Variants in RBFOX1 observed in about 807,000 individuals in gnomAD.
RBFOX1 encodes the protein RNA binding protein fox-1 homolog 1.
In RBFOX1, 8 loss-of-function variants were observed where a neutral mutation model predicts 57.7. The ratio of observed to expected loss-of-function variants is 0.14; its 90% CI spans 0.08 to 0.25. RBFOX1 has a LOEUF of 0.25. Ranked by LOEUF, RBFOX1 falls within the 10% of genes least tolerant of loss-of-function variation. The probability of loss-of-function intolerance (pLI) is 1.00; values close to 1 mark genes in which losing one functional copy is unlikely to be tolerated. For missense variants in RBFOX1, 611 were observed against 548.5 expected, an observed-to-expected ratio of 1.11 and a Z score of -1.14; for synonymous variants, 326 against 222.4, an observed-to-expected ratio of 1.47 and a Z score of -4.15.
chr16:5,488,041 G>C (rs2042692516), intron 2 of RBFOX1, among the ~76,000 whole-genome samples: 1 of 152,068 alleles, frequency 6.6e-6, no homozygotes, highest in African/African-American at 2.4e-5. Flanking sequence ...TGCTGGTGGT[G>C]ATGATGATGG....
intron 4 of RBFOX1, among the ~76,000 whole-genome samples, chr16:7,098,140 G>A (rs1398553482): frequency 6.6e-6 from 1 of 151,990 alleles, no homozygotes; most frequent in Non-Finnish European, 1.5e-5. Flanking sequence ...GAAGATGGAG[G>A]GTAATATGGA....
intron 3 of RBFOX1, among the ~76,000 whole-genome samples, chr16:5,759,784 C>G (rs1042011807): frequency 7.5e-6 from 1 of 132,996 alleles, no homozygotes; most frequent in Admixed American, 8.2e-5. Flanking sequence ...AACAGTATTC[C>G]TCTCTGGGAT....
At chr16:7,255,842 C>G (rs139607627) in intron 4 of RBFOX1, among the ~76,000 whole-genome samples, 215 of 152,220 alleles carry the variant, frequency 1.4e-3, no homozygotes, top group African/African-American at 4.9e-3. Flanking sequence ...GACAGCACGT[C>G]TCATTTCAGA....
intron 1 of RBFOX1, among the ~76,000 whole-genome samples, chr16:6,182,268 T>C (rs1007519444): frequency 6.6e-5 from 10 of 152,200 alleles, no homozygotes; most frequent in Non-Finnish European, 1.0e-4. Flanking sequence ...ATTTATTGGC[T>C]TCTAATTTAG....
At chr16:6,790,996 C>G (rs1305297974) in intron 3 of RBFOX1, among the ~76,000 whole-genome samples, 5 of 151,824 alleles carry the variant, frequency 3.3e-5, no homozygotes, top group Non-Finnish European at 7.4e-5. Context: ...TCTTCTGGCT[C>G]TCAGGTTCAG....
intron 4 of RBFOX1, among the ~76,000 whole-genome samples, chr16:7,342,743 T>C (rs2096922236): frequency 6.6e-6 from 1 of 152,076 alleles, no homozygotes; most frequent in Admixed American, 6.6e-5. Context: ...CTCATGGCTC[T>C]GGGTGGTGTG....
chr16:6,185,997 T>G (rs564153416), intron 1 of RBFOX1, among the ~76,000 whole-genome samples: 1 of 152,344 alleles, frequency 6.6e-6, no homozygotes, highest in South Asian at 2.1e-4. Context: ...AATCTTGTAC[T>G]GCTGTGGCAT....
chr16:7,156,375 G>T (rs573236091), intron 4 of RBFOX1, among the ~76,000 whole-genome samples: 9 of 151,162 alleles, frequency 6.0e-5, no homozygotes, highest in Non-Finnish European at 7.4e-5. Context: ...ATACATATGC[G>T]TGTACATATA....
intron 4 of RBFOX1, among the ~76,000 whole-genome samples, chr16:7,167,734 T>C (rs1382874449): frequency 6.6e-6 from 1 of 152,238 alleles, no homozygotes; most frequent in Non-Finnish European, 1.5e-5. Flanking sequence ...GTAGATTTTA[T>C]TGACAGAAAC....
At chr16:6,320,433 G>A (rs1392002725) in intron 2 of RBFOX1, among the ~76,000 whole-genome samples, 3 of 151,736 alleles carry the variant, frequency 2.0e-5, no homozygotes, top group Admixed American at 1.3e-4. Context: ...CTCAAAAATC[G>A]CCACTAAAGA....
At chr16:5,991,464 C>T (rs532635133) in intron 4 of RBFOX1, among the ~76,000 whole-genome samples, 2 of 152,014 alleles carry the variant, frequency 1.3e-5, no homozygotes, top group Non-Finnish European at 2.9e-5. Context: ...CAATTAGCCT[C>T]TAGTTTGTTT....
At chr16:7,063,506 A>T (rs573908112) in intron 4 of RBFOX1, among the ~76,000 whole-genome samples, 3 of 152,340 alleles carry the variant, frequency 2.0e-5, no homozygotes, top group African/African-American at 7.2e-5. Flanking sequence ...CTACTGGATC[A>T]GATTCTGGAG....
At position 6,612,803 on chromosome 16, in the gene RBFOX1, G is replaced by C. The variant is rs1426837038; in HGVS notation, c.-63-41800G>C. Among the ~76,000 whole-genome samples the C allele has an allele frequency of 2.7e-5, 4 of 147,822 alleles. No homozygotes were observed. The East Asian group carries it at 6.0e-4, about 22-fold the overall frequency. ...GGAGGTGGAGACTGCAGTGAGCCAA[G>C]ATCATGCCACTGCACTCCAGCCTGG... On this transcript the variant is annotated intron_variant, in intron 2 of 15. Coordinates refer to ENST00000550418, the MANE Select transcript of RBFOX1 (RefSeq NM_018723.4).
intron 3 of RBFOX1, chr16:6,983,672 G>C (rs1331339507): frequency 6.6e-6 from 1 of 152,254 alleles, no homozygotes; most frequent in Non-Finnish European, 1.5e-5. Flanking sequence ...GAAGAGGCAA[G>C]GCCTGTCGGT....
chr16:5,860,834 A>T (rs112721586), intron 3 of RBFOX1, among the ~76,000 whole-genome samples: 2 of 152,184 alleles, frequency 1.3e-5, no homozygotes, highest in African/African-American at 4.8e-5. Flanking sequence ...AGGCCAGCAA[A>T]AAGAGGCCCT....
chr16:6,842,155 A>T (rs928128926), intron 3 of RBFOX1, among the ~76,000 whole-genome samples: 19 of 148,036 alleles, frequency 1.3e-4, no homozygotes, highest in African/African-American at 2.5e-4. Context: ...AAAAAAATAA[A>T]AAATAAATAA....
At chr16:5,281,345 A>G (rs554095839) in intron 1 of RBFOX1, among the ~76,000 whole-genome samples, 1 of 152,196 alleles carries the variant, frequency 6.6e-6, no homozygotes, top group South Asian at 2.1e-4. Context: ...GTGTCCTAGC[A>G]TATGGTCTAT....
chr16:5,586,226 G>T (rs2046823706), intron 2 of RBFOX1, among the ~76,000 whole-genome samples: 1 of 152,100 alleles, frequency 6.6e-6, no homozygotes, highest in Admixed American at 6.5e-5. Flanking sequence ...CCACACCTTG[G>T]TTTCAGACTT....
At chr16:5,807,045 TG>T (rs1440926646) in intron 3 of RBFOX1, among the ~76,000 whole-genome samples, 1 of 152,194 alleles carries the variant, frequency 6.6e-6, no homozygotes, top group East Asian at 1.9e-4. Context: ...GCACCAGTGA[TG>T]GCTGAGCCTG....
Sources: allele counts gnomAD v4.1 joint callset (sites outside exome capture counted in the v4.1 genomes callset), GRCh38; gene constraint gnomAD v4.1.1; transcripts MANE v1.5; gene names NCBI Gene and HGNC (gene_info 2026-07-23, HGNC 2026-07-21).